SPOCK3: variants seen among roughly 807,000 people sequenced by gnomAD.
The protein encoded by SPOCK3 is SPARC (osteonectin), cwcv and kazal like domains proteoglycan 3.
A neutral mutation model predicts 56.6 loss-of-function variants in SPOCK3; 30 were observed. The ratio of observed to expected loss-of-function variants is 0.53; its 90% CI spans 0.40 to 0.72. SPOCK3 has a LOEUF of 0.72. Among genes scored for constraint, SPOCK3 ranks in the 30% least tolerant of loss-of-function variants. The pLI, the probability that SPOCK3 is intolerant of heterozygous loss-of-function variation, is 0.00. For missense variants in SPOCK3, 527 were observed against 530.0 expected (o/e 0.99, Z 0.06); for synonymous variants, 196 against 183.3 (o/e 1.07, Z -0.56).
chr4:166,887,062 A>G (rs776309845), intron 6 of SPOCK3, among the ~76,000 whole-genome samples: 1 of 152,170 alleles, frequency 6.6e-6, no homozygotes, highest in African/African-American at 2.4e-5. Context: ...ATGACTTTTA[A>G]AAGTTTCTTT....
At chr4:166,766,894 ACTT>A (rs774338997) in intron 7 of SPOCK3, among the ~76,000 whole-genome samples, 1 of 152,150 alleles carries the variant, frequency 6.6e-6, no homozygotes, top group Non-Finnish European at 1.5e-5. Context: ...CAGGGATTCA[ACTT>A]CTTCCTTGTT....
intron 3 of SPOCK3, among the ~76,000 whole-genome samples, chr4:167,041,110 T>C (rs1753197668): frequency 6.6e-6 from 1 of 152,152 alleles, no homozygotes; most frequent in African/African-American, 2.4e-5. Flanking sequence ...ATAAAATAGA[T>C]TAAAATTCTG....
intron 5 of SPOCK3, among the ~76,000 whole-genome samples, chr4:166,896,955 C>T (rs902215424): frequency 2.0e-5 from 3 of 152,040 alleles, no homozygotes; most frequent in Non-Finnish European, 4.4e-5. Context: ...TTACTTTGAG[C>T]CAGGGAGGGC....
intron 5 of SPOCK3, among the ~76,000 whole-genome samples, chr4:166,901,649 T>C (rs1402590422): frequency 6.6e-6 from 1 of 152,106 alleles, no homozygotes; most frequent in African/African-American, 2.4e-5. Flanking sequence ...ATCACTAGTG[T>C]ATCCTGCTGC....
At chr4:166,769,029 C>T (rs552873856) in intron 7 of SPOCK3, among the ~76,000 whole-genome samples, 16 of 152,170 alleles carry the variant, frequency 1.1e-4, no homozygotes, top group South Asian at 2.1e-4. Context: ...CCATGGTTTT[C>T]AGCTCTATCA....
chr4:167,214,956 C>T (rs1053989424), intron 2 of SPOCK3, among the ~76,000 whole-genome samples: 3 of 150,588 alleles, frequency 2.0e-5, no homozygotes, highest in Middle Eastern at 3.5e-3. Context: ...GGCAAACCCT[C>T]GATAATATAC....
At chr4:166,971,279 T>A (rs538178389) in intron 4 of SPOCK3, among the ~76,000 whole-genome samples, 2 of 152,298 alleles carry the variant, frequency 1.3e-5, no homozygotes, top group Admixed American at 1.3e-4. Context: ...TTTCCCCCCA[T>A]GTTCCAATGT....
chr4:166,877,252 C>A (rs528537898), intron 6 of SPOCK3, among the ~76,000 whole-genome samples: 1 of 152,228 alleles, frequency 6.6e-6, no homozygotes, highest in South Asian at 2.1e-4. Flanking sequence ...CCTTTCAGAG[C>A]CATTTTAGAC....
At chr4:166,833,692 T>C (rs1415878546) in intron 6 of SPOCK3, among the ~76,000 whole-genome samples, 2 of 152,206 alleles carry the variant, frequency 1.3e-5, no homozygotes, top group Non-Finnish European at 2.9e-5. Context: ...ATTAACTGAA[T>C]TTTTATGATA....
intron 6 of SPOCK3, among the ~76,000 whole-genome samples, chr4:166,871,554 C>T (rs1732475465): frequency 6.6e-6 from 1 of 151,928 alleles, no homozygotes; most frequent in Admixed American, 6.6e-5. Context: ...AAAAATTGAA[C>T]ACTTGGTTAA....
intron 2 of SPOCK3, among the ~76,000 whole-genome samples, chr4:167,205,527 TTATTATATAATATA>T (rs1197797372): frequency 1.8e-5 from 1 of 57,078 alleles, no homozygotes; most frequent in Non-Finnish European, 2.9e-5. Context: ...ATTATATATA[TTATTATATAATATA>T]TATTATATAA....
intron 2 of SPOCK3, among the ~76,000 whole-genome samples, chr4:167,083,889 T>C (rs188371830): frequency 5.5e-4 from 83 of 152,244 alleles, no homozygotes; most frequent in African/African-American, 1.9e-3. Context: ...TCTACCAAGA[T>C]CACAAAATGT....
chr4:167,130,999 C>A (rs1442777126), intron 2 of SPOCK3, among the ~76,000 whole-genome samples: 2 of 151,458 alleles, frequency 1.3e-5, no homozygotes, highest in Non-Finnish European at 2.9e-5. Flanking sequence ...AGACTCTAGA[C>A]CAAATGGTGA....
intron 5 of SPOCK3, among the ~76,000 whole-genome samples, chr4:166,904,138 ATAT>A (rs1255058283): frequency 1.3e-5 from 2 of 151,782 alleles, no homozygotes; most frequent in East Asian, 3.9e-4. Flanking sequence ...ATTCATAGCC[ATAT>A]TATTAGTCCT....
intron 2 of SPOCK3, among the ~76,000 whole-genome samples, chr4:167,155,261 A>C (rs910969911): frequency 1.6e-4 from 24 of 151,836 alleles, no homozygotes; most frequent in African/African-American, 5.3e-4. Context: ...GATTACAGGC[A>C]CTCCGCCACC....
chr4:167,032,553 T>C (rs984552542), intron 3 of SPOCK3, among the ~76,000 whole-genome samples: 8 of 151,944 alleles, frequency 5.3e-5, no homozygotes, highest in Admixed American at 1.3e-4. Flanking sequence ...AAGTATCTTA[T>C]GTCACTCTCA....
At chr4:167,208,360 T>C (rs1403750115) in intron 2 of SPOCK3, among the ~76,000 whole-genome samples, 1 of 152,166 alleles carries the variant, frequency 6.6e-6, no homozygotes, top group Non-Finnish European at 1.5e-5. Context: ...AGCAGAGATA[T>C]AATAGGAAAT....
At chr4:166,984,171 A>G (rs970493462) in intron 4 of SPOCK3, among the ~76,000 whole-genome samples, 4 of 152,018 alleles carry the variant, frequency 2.6e-5, no homozygotes, top group Admixed American at 1.3e-4. Context: ...AACACCACAA[A>G]TGCACTTAAA....
At chr4:167,122,285 T>C (rs1156253997) in intron 2 of SPOCK3, among the ~76,000 whole-genome samples, 1 of 152,048 alleles carries the variant, frequency 6.6e-6, no homozygotes, top group Non-Finnish European at 1.5e-5. Context: ...GCCTGCCAAG[T>C]AGCTGGGACA....
Sources: gnomAD v4.1 joint callset for allele counts (sites outside exome capture counted in the v4.1 genomes callset) on GRCh38, gnomAD v4.1.1 for gene constraint, MANE v1.5 for transcripts, NCBI Gene and HGNC (gene_info 2026-07-23, HGNC 2026-07-21) for gene names.